Variants in SRSF5 observed in about 807,000 individuals in gnomAD.
The protein encoded by SRSF5 is serine and arginine rich splicing factor 5, also known as serine/arginine-rich splicing factor 5.
SRSF5 carries 5 observed loss-of-function variants against 34.0 expected under a neutral mutation model. That is an observed-to-expected ratio of 0.15 (90% CI 0.08 to 0.31). SRSF5 has a LOEUF of 0.31. Among genes scored for constraint, SRSF5 ranks in the 10% least tolerant of loss-of-function variants. The pLI, the probability that SRSF5 is intolerant of heterozygous loss-of-function variation, is 1.00. For synonymous variants in SRSF5, 164 were observed against 117.7 expected, an observed-to-expected ratio of 1.39 and a Z score of -2.55; for missense variants, 223 against 351.4, an observed-to-expected ratio of 0.63 and a Z score of 2.92.
In SRSF5 at chr14:69,768,883, C is replaced by G. The variant is rs1306101069; in HGVS notation, c.283C>G (p.Arg95Gly). The change falls in exon 4 of 8, where the codon CGA (arginine) becomes GGA (glycine). Residue 95 changes from arginine (R) to glycine (G), a missense_variant. Arg to Gly is a moderately radical substitution (Grantham distance 125, BLOSUM62 -2). Around this residue, in one of 4 missense-constraint regions of SRSF5, gnomAD observed 44 missense variants for 44.3 expected, o/e 0.99. Transcript: ENST00000557154. ...TGACCGTTTTAGTAGTCGCAGACCTCGAAATGATAGACGGTATGTGAAGGG... is the reference window on the plus strand; with the variant it reads ...TGACCGTTTTAGTAGTCGCAGACCTGGAAATGATAGACGGTATGTGAAGGG... ...YSDRFSSRRP[R>G]NDRRNAPPVR... 1.9e-6 allele frequency: 3 copies of G among 1,613,858 alleles called. No individual in the cohort carries two copies. The highest frequency in any genetic ancestry group is 4.5e-5 in the East Asian group (2 of 44,896).
rs1211287735 is a variant in SRSF5, at chr14:69,768,849, A to G, written c.249A>G (p.Gly83=). 18 of 1,614,086 alleles carry G rather than the reference A, an allele frequency of 1.1e-5. No individual in the cohort carries two copies. The highest frequency in any genetic ancestry group is 1.4e-5 in the Non-Finnish European group (17 of 1,180,046). ...GGTCACGAGGTGGAAGAGGTAGAGG[A>G]CGATACTCTGACCGTTTTAGTAGTC... ...RARSRGGRGR[G]RYSDRFSSRR... Residue 83 remains glycine, a synonymous_variant, in exon 4 of 8, where the codon GGA becomes GGG. Coordinates refer to ENST00000557154, the MANE Select transcript of SRSF5 (RefSeq NM_001320214.2).
chr14:69,769,639 A>T, intron 5 of SRSF5: 1 of 1,533,356 alleles, frequency 6.5e-7, no homozygotes, highest in Non-Finnish European at 8.7e-7. Flanking sequence ...GGCCACCTCT[A>T]GATCTGTGTT....
intron 5 of SRSF5, chr14:69,770,241 A>C (rs534436574): frequency 1.4e-5 from 18 of 1,332,376 alleles, no homozygotes; most frequent in Non-Finnish European, 1.6e-5. Flanking sequence ...TAATGTTAAA[A>C]TCTGAATTTC....
In SRSF5 at chr14:69,771,522, A is replaced by C; in HGVS notation, c.*61A>C. On this transcript the variant is annotated 3_prime_UTR_variant, in exon 8 of 8. Transcript: ENST00000557154. ...AAAACAAAAACCACAAAAATTCCCA[A>C]ACCATACTTGCTAAAAATTCTGGTA... 6.6e-7 allele frequency: 1 copy of C among 1,525,440 alleles called. No homozygotes were observed. The highest frequency in any genetic ancestry group is 8.8e-7 in the Non-Finnish European group (1 of 1,133,260). 94.5% of individuals were successfully genotyped at this position (1,525,440 alleles called of 1,614,324 possible).
intron 5 of SRSF5, chr14:69,770,158 GT>G: frequency 9.2e-7 from 1 of 1,084,708 alleles, no homozygotes; most frequent in Non-Finnish European, 1.1e-6. Context: ...AATATGTACT[GT>G]TTCCTTTTTT....
intron 5 of SRSF5, chr14:69,769,868 T>C: frequency 1.6e-6 from 2 of 1,223,170 alleles, no homozygotes; most frequent in Non-Finnish European, 2.0e-6. Flanking sequence ...GAGTAGAACA[T>C]GTCTGCATCC....
At chr14:69,768,426 C>T in intron 2 of SRSF5, 144 bp downstream of exon 2, 1 of 1,349,420 alleles carries the variant, frequency 7.4e-7, no homozygotes, top group Non-Finnish European at 1.0e-6. Context: ...AGGCTGAAAA[C>T]AACTTTAACT....
At chr14:69,767,432 G>A (rs912031190) in intron 1 of SRSF5, 177 bp downstream of exon 1, 5 of 455,918 alleles carry the variant, frequency 1.1e-5, no homozygotes, top group African/African-American at 8.0e-5. Flanking sequence ...GGGGTACTGA[G>A]GTGAAAGGGC....
At chr14:69,768,565 T>A (rs1197243605) in intron 2 of SRSF5, 39 bp from the exon 3 acceptor site, 3 of 1,593,356 alleles carry the variant, frequency 1.9e-6, no homozygotes, top group Non-Finnish European at 2.6e-6. Flanking sequence ...AGAATACTCT[T>A]CTAAAGCCAA....
intron 4 of SRSF5, 97 bp downstream of exon 4, chr14:69,768,993 A>T: frequency 7.3e-7 from 1 of 1,374,560 alleles, no homozygotes; most frequent in South Asian, 1.2e-5. Flanking sequence ...GTCCTGCCGT[A>T]TAATCTGTTC....
intron 1 of SRSF5, 147 bp downstream of exon 1, chr14:69,767,402 C>T (rs1206017134): frequency 2.2e-6 from 1 of 455,930 alleles, no homozygotes; most frequent in Non-Finnish European, 4.4e-6. Context: ...GGCACGTCTC[C>T]CTTTTGGCAT....
chr14:69,769,970 G>T, intron 5 of SRSF5: 1 of 1,053,076 alleles, frequency 9.5e-7, no homozygotes, highest in African/African-American at 1.7e-5. Flanking sequence ...AGCCAGTCGG[G>T]CATATGTCAT....
rs142745234 is a variant in SRSF5, at chr14:69,771,345, G to T, written c.703G>T (p.Val235Leu). Residue 235 changes from valine to leucine, a missense_variant, in exon 8 of 8, where the codon GTG (valine) becomes TTG (leucine). By Grantham distance (32) the Val-to-Leu change is conservative. Around this residue, in one of 4 missense-constraint regions of SRSF5, gnomAD observed 115 missense variants for 119.7 expected, o/e 0.96. Transcript: ENST00000557154. ...SKSRSVSRSP[V>L]PEKSQKRGSS... ...GTCCCGTTCTGTTAGTAGGTCTCCC[G>T]TGCCTGAGAAGAGCCAGAAACGTGG... The T allele has an allele frequency of 6.2e-7, 1 of 1,614,178 alleles. No homozygotes were observed. The highest frequency in any genetic ancestry group is 1.1e-5 in the South Asian group (1 of 91,084).
chr14:69,769,298 A>G, intron 5 of SRSF5, 47 bp downstream of exon 5: 2 of 1,609,230 alleles, frequency 1.2e-6, no homozygotes, highest in Non-Finnish European at 1.7e-6. Flanking sequence ...GCTTTTTAAA[A>G]AAGTTAATGG....
chr14:69,769,829 C>G (rs1027896320), intron 5 of SRSF5: 1 of 1,308,056 alleles, frequency 7.6e-7, no homozygotes, highest in South Asian at 2.1e-5. Flanking sequence ...GAATCCTGAT[C>G]GCAGTAAAGT....
chr14:69,769,689 C>T, intron 5 of SRSF5: 1 of 1,470,346 alleles, frequency 6.8e-7, no homozygotes, highest in Non-Finnish European at 9.0e-7. Context: ...CTTGAAGTGC[C>T]AGGTTGCAGC....
Position 69,771,538 on chromosome 14 carries a change from A to C in SRSF5, c.*77A>C. On this transcript the variant is annotated 3_prime_UTR_variant, in exon 8 of 8. Transcript: ENST00000557154. ...AAATTCCCAAACCATACTTGCTAAA[A>C]ATTCTGGTAAGTATGTGCTTTTCTG... is the stretch of plus-strand genomic sequence containing the variant. 4 of 1,511,696 alleles carry C rather than the reference A, an allele frequency of 2.6e-6. No individual in the cohort carries two copies. The highest frequency in any genetic ancestry group is 3.6e-6 in the Non-Finnish European group (4 of 1,122,682). 93.6% of individuals were successfully genotyped at this position (1,511,696 alleles called of 1,614,324 possible).
intron 4 of SRSF5, 116 bp from the exon 5 acceptor site, chr14:69,769,066 A>T: frequency 2.2e-6 from 3 of 1,355,950 alleles, no homozygotes; most frequent in Middle Eastern, 1.8e-4. Context: ...ACACAAATCT[A>T]TTGACGGAAG....
At chr14:69,769,089 C>A in intron 4 of SRSF5, 93 bp from the exon 5 acceptor site, 1 of 1,456,132 alleles carries the variant, frequency 6.9e-7, no homozygotes, top group Non-Finnish European at 9.6e-7. Context: ...ATTAGAATGG[C>A]TTGTGATATC....
Sources: gnomAD v4.1 joint callset for allele counts on GRCh38, gnomAD v4.1.1 for gene constraint, gnomAD v4.1.1 regional missense constraint, MANE v1.5 for transcripts, NCBI Gene and HGNC (gene_info 2026-07-23, HGNC 2026-07-21) for gene names.